VAV3: variants seen among roughly 807,000 people sequenced by gnomAD.
VAV3 encodes guanine nucleotide exchange factor VAV3.
VAV3 carries 94 observed loss-of-function variants against 131.2 expected under a neutral mutation model. The observed-to-expected ratio is 0.72, with a 90% CI of 0.61 to 0.85. The LOEUF is 0.85. Ranked by LOEUF, VAV3 falls within the 40% of genes least tolerant of loss-of-function variation. The pLI is 0.00. For missense variants in VAV3, 939 were observed against 1,002.7 expected (o/e 0.94, Z 0.86); for synonymous variants, 349 against 342.0 (o/e 1.02, Z -0.22).
intron 1 of VAV3, among the ~76,000 whole-genome samples, chr1:107,953,960 T>G (rs72985452): frequency 0.11 from 16,323 of 152,188 alleles, 1,600 homozygotes; most frequent in African/African-American, 0.26. Context: ...AACACAGATT[T>G]TGAAAGCACA....
chr1:107,933,284 GTT>G (rs72392700), intron 1 of VAV3, among the ~76,000 whole-genome samples: 1 of 143,634 alleles, frequency 7.0e-6, no homozygotes, highest in Non-Finnish European at 1.5e-5. Flanking sequence ...GTTTTTTTGT[GTT>G]TTTTTTTTTC....
chr1:107,635,744 C>T (rs906816694), intron 20 of VAV3, among the ~76,000 whole-genome samples: 4 of 152,100 alleles, frequency 2.6e-5, no homozygotes, highest in African/African-American at 7.2e-5. Context: ...CCCAATATCC[C>T]TAAGGTGCAT....
chr1:107,708,623 C>G (rs1158836851), intron 15 of VAV3, among the ~76,000 whole-genome samples: 1 of 152,154 alleles, frequency 6.6e-6, no homozygotes, highest in Non-Finnish European at 1.5e-5. Flanking sequence ...TTCCCCCTAG[C>G]CTGGACCTCT....
chr1:107,921,183 T>A (rs1394883547), intron 1 of VAV3, among the ~76,000 whole-genome samples: 1 of 152,216 alleles, frequency 6.6e-6, no homozygotes, highest in African/African-American at 2.4e-5. Context: ...CGCTCTCTCA[T>A]CGCTTGCTGC....
At chr1:107,731,633 C>T (rs546649082) in intron 15 of VAV3, among the ~76,000 whole-genome samples, 2 of 152,236 alleles carry the variant, frequency 1.3e-5, no homozygotes, top group South Asian at 4.2e-4. Flanking sequence ...AAATCTTCTT[C>T]ATTATAAGGA....
intron 15 of VAV3, among the ~76,000 whole-genome samples, chr1:107,732,285 C>G (rs1480872468): frequency 6.6e-6 from 1 of 152,192 alleles, no homozygotes; most frequent in East Asian, 1.9e-4. Flanking sequence ...TCTGCAGCTC[C>G]CAGCGTGACT....
chr1:107,628,294 T>C (rs1654192319), intron 20 of VAV3, among the ~76,000 whole-genome samples: 1 of 152,212 alleles, frequency 6.6e-6, no homozygotes, highest in African/African-American at 2.4e-5. Flanking sequence ...GCAAGTCACC[T>C]GGACTGTTTG....
Position 107,584,363 on chromosome 1 carries a change from C to T in VAV3, c.2351-10165G>A, listed in dbSNP as rs1030381942. On this transcript the variant is annotated intron_variant, in intron 25 of 26. Transcript: ENST00000370056. ...ATAGGCATGGGCAAGGACTTCATGT[C>T]TAAAACACCAAAGCAATGGCAACAA... Among the ~76,000 whole-genome samples, 7 of 152,290 alleles carry T rather than the reference C, an allele frequency of 4.6e-5. No homozygotes were observed. In the East Asian group the frequency reaches 1.4e-3, roughly 29 times the overall value.
At chr1:107,859,448 C>T (rs1669635933) in intron 2 of VAV3, among the ~76,000 whole-genome samples, 1 of 152,106 alleles carries the variant, frequency 6.6e-6, no homozygotes. Flanking sequence ...TGTATTTAAA[C>T]TCTGCATAAA....
intron 1 of VAV3, among the ~76,000 whole-genome samples, chr1:107,894,873 C>T (rs1192590156): frequency 6.6e-6 from 1 of 152,182 alleles, no homozygotes; most frequent in African/African-American, 2.4e-5. Context: ...GCCCAGTCTA[C>T]CACACAGCTA....
intron 11 of VAV3, 74 bp from the exon 12 acceptor site, chr1:107,755,587 A>G: frequency 9.6e-7 from 1 of 1,046,100 alleles, no homozygotes. Flanking sequence ...GAAAGAAAAC[A>G]CATCATTAAT....
At chr1:107,581,888 A>C (rs1650080862) in intron 25 of VAV3, among the ~76,000 whole-genome samples, 1 of 152,252 alleles carries the variant, frequency 6.6e-6, no homozygotes, top group South Asian at 2.1e-4. Flanking sequence ...CTAGTTATCA[A>C]ATCCTAAGTA....
intron 4 of VAV3, 134 bp downstream of exon 4, chr1:107,777,097 C>T (rs1022917964): frequency 1.0e-5 from 8 of 762,380 alleles, no homozygotes; most frequent in Admixed American, 2.6e-5. Context: ...AGCTTTCCAT[C>T]GCCAGTTTAA....
intron 15 of VAV3, among the ~76,000 whole-genome samples, chr1:107,737,575 A>G (rs1164789558): frequency 2.0e-5 from 3 of 152,236 alleles, no homozygotes; most frequent in African/African-American, 7.2e-5. Context: ...AAAAGAAGAC[A>G]TTTATGCAGC....
At chr1:107,579,059 T>C (rs1235176508) in intron 25 of VAV3, among the ~76,000 whole-genome samples, 2 of 152,194 alleles carry the variant, frequency 1.3e-5, no homozygotes, top group East Asian at 3.9e-4. Context: ...TCTGTTTCAA[T>C]TACAGAATAT....
rs914135703 is a variant in VAV3, at chr1:107,703,561, G to A, written c.1705+989C>T. On this transcript the variant is annotated intron_variant, in intron 17 of 26. Transcript: ENST00000370056. Reference sequence around the variant, plus strand: ...ATGGCACAGAGGGTCCTTTTAAAATGTCTGAGAGGAATGTGCTATGATCTC... The same window carrying A: ...ATGGCACAGAGGGTCCTTTTAAAATATCTGAGAGGAATGTGCTATGATCTC... Among the ~76,000 whole-genome samples, 7 of 152,312 alleles carry A rather than the reference G, an allele frequency of 4.6e-5. No homozygotes were observed. In the South Asian group the frequency reaches 1.4e-3, roughly 32 times the overall value.
intron 3 of VAV3, 42 bp downstream of exon 3, chr1:107,779,392 C>A (rs1385454547): frequency 6.5e-7 from 1 of 1,529,710 alleles, no homozygotes; most frequent in Admixed American, 2.0e-5. Context: ...AATCATTACA[C>A]TGAACTCAAT....
At chr1:107,690,066 G>A (rs1332377959) in intron 17 of VAV3, among the ~76,000 whole-genome samples, 1 of 152,146 alleles carries the variant, frequency 6.6e-6, no homozygotes, top group Admixed American at 6.5e-5. Flanking sequence ...TTCTACACGA[G>A]CTCCAAAATT....
intron 15 of VAV3, among the ~76,000 whole-genome samples, chr1:107,719,087 C>T (rs969736167): frequency 8.5e-5 from 13 of 152,156 alleles, no homozygotes; most frequent in African/African-American, 3.1e-4. Context: ...AATGTTAGAC[C>T]TAAAACCATA....
Sources: allele counts gnomAD v4.1 joint callset (sites outside exome capture counted in the v4.1 genomes callset), GRCh38; gene constraint gnomAD v4.1.1; transcripts MANE v1.5; gene names NCBI Gene and HGNC (gene_info 2026-07-23, HGNC 2026-07-21).